The following UCKL1 variants were observed in gnomAD, a reference collection of about 807,000 sequenced individuals.
UCKL1 encodes uridine-cytidine kinase-like 1.
UCKL1 carries 65 observed loss-of-function variants against 59.2 expected under a neutral mutation model. That is an observed-to-expected ratio of 1.10 (90% CI 0.90 to 1.35). The LOEUF (loss-of-function observed/expected upper bound fraction) is 1.35, where lower values mean the gene tolerates loss of function less well. Among genes scored for constraint, UCKL1 ranks in the 40% most tolerant of loss-of-function variants. UCKL1 has a pLI of 0.00. For missense variants in UCKL1, 703 were observed against 784.3 expected (o/e 0.90, Z 1.24); for synonymous variants, 410 against 323.1 (o/e 1.27, Z -2.88).
At chr20:63,952,365 G>A (rs1601335037) in intron 1 of UCKL1, among the ~76,000 whole-genome samples, 1 of 152,222 alleles carries the variant, frequency 6.6e-6, no homozygotes. Flanking sequence ...CTGGCCAGGC[G>A]AGGGACGGAG....
At chr20:63,956,051 G>A (rs1256299040) in intron 1 of UCKL1, 1 of 448,964 alleles carries the variant, frequency 2.2e-6, no homozygotes, top group Non-Finnish European at 3.9e-6. Flanking sequence ...CGAGCCCCGA[G>A]GAGCCTGCCG....
rs769977373 is a variant in UCKL1, at chr20:63,946,633, C to T, written c.124G>A (p.Glu42Lys). The change falls in exon 2 of 15, where the codon GAG becomes AAG. Residue 42 changes from glutamate (E) to lysine (K), a missense_variant. Glu to Lys is a moderately conservative substitution (Grantham distance 56). Coordinates refer to ENST00000354216, the MANE Select transcript of UCKL1 (RefSeq NM_017859.4). ...ETACEDRSNA[E>K]SLDRLLPPVG... ...GGTGGCAGGAGCCTGTCCAGGGACT[C>T]TGCATTGCTGCTGCAGAGAGGGATG... 6.2e-7 allele frequency: 1 copy of T among 1,608,080 alleles called. No homozygotes were observed. The highest frequency in any genetic ancestry group is 2.2e-5 in the East Asian group (1 of 44,876).
chr20:63,954,946 G>A (rs1036280872), intron 1 of UCKL1: 5 of 152,268 alleles, frequency 3.3e-5, no homozygotes, highest in African/African-American at 9.6e-5. Flanking sequence ...CCCCACCTCG[G>A]GTTAAATCAA....
chr20:63,948,226 TG>T (rs964524786), intron 1 of UCKL1: 1 of 152,046 alleles, frequency 6.6e-6, no homozygotes, highest in African/African-American at 2.4e-5. Context: ...CCCACTCACA[TG>T]GGGAGCAACT....
intron 7 of UCKL1, among the ~76,000 whole-genome samples, 164 bp from the exon 8 acceptor site, chr20:63,943,833 C>G (rs2055371625): frequency 6.6e-6 from 1 of 152,212 alleles, no homozygotes; most frequent in Admixed American, 6.5e-5. Flanking sequence ...TGGGGACCAC[C>G]TGGGCCAGAC....
chr20:63,956,292 C>A lies in UCKL1; in HGVS notation c.81G>T (p.Gln27His). 6.4e-7 allele frequency: 1 copy of A among 1,562,060 alleles called. No homozygotes were observed. The highest frequency in any genetic ancestry group is 8.6e-7 in the Non-Finnish European group (1 of 1,158,564). The part of the protein sequence containing the change: ...PPTARDTPGR[Q>H]AEKSETACED... ...CGCACGCGGTCTCGCTTTTCTCAGCCTGCCGGCCTGGTGTGTCTCGGGCCG... is the reference window on the plus strand; with the variant it reads ...CGCACGCGGTCTCGCTTTTCTCAGCATGCCGGCCTGGTGTGTCTCGGGCCG... Residue 27 changes from glutamine (Q) to histidine (H), a missense_variant, in exon 1 of 15, where the codon CAG becomes CAT. By Grantham distance (24) the Gln-to-His change is conservative (BLOSUM62 0). Transcript: ENST00000354216.
Position 63,944,704 on chromosome 20 carries a change from C to G in UCKL1, c.685G>C (p.Asp229His). 6.2e-7 allele frequency: 1 copy of G among 1,612,884 alleles called. No individual in the cohort carries two copies. The highest frequency in any genetic ancestry group is 8.5e-7 in the Non-Finnish European group (1 of 1,179,956). Residue 229 changes from aspartate to histidine, a missense_variant, in exon 6 of 15, where the codon GAC becomes CAC. Physicochemically the swap from Asp to His is moderately conservative, Grantham distance 81. Around this residue, in one of 4 missense-constraint regions of UCKL1, gnomAD observed 398 missense variants for 373.0 expected, o/e 1.07. Coordinates refer to ENST00000354216, the MANE Select transcript of UCKL1 (RefSeq NM_017859.4). ...LLDMKIFVDT[D>H]SDIRLVRRLR... ...CGCCGTACCAGGCGGATGTCGGAGT[C>G]TGTGTCCACAAAGATCTTCATGTCC... is the stretch of plus-strand genomic sequence containing the variant.
At chr20:63,946,700 G>C in intron 1 of UCKL1, 57 bp from the exon 2 acceptor site, 1 of 1,544,298 alleles carries the variant, frequency 6.5e-7, no homozygotes, top group Non-Finnish European at 8.7e-7. Flanking sequence ...CCAGGTACCC[G>C]CTGGCATGGC....
Position 63,944,537 on chromosome 20 carries a change from A to T in UCKL1, c.844+8T>A. 1 of 1,606,278 alleles carries T rather than the reference A, an allele frequency of 6.2e-7. No homozygotes were observed. Among genetic ancestry groups the T allele is most frequent in the Non-Finnish European group, 8.5e-7 (1 of 1,176,784 alleles). On this transcript the variant is annotated splice_region_variant and intron_variant, in intron 6 of 14. Transcript: ENST00000354216. ...ACACCCACCCAACAGGCAGCCCAGC[A>T]GGCTCACCTCTGGGGACCACGATGT...
At chr20:63,940,928 T>G in intron 10 of UCKL1, 22 bp downstream of exon 10, 1 of 1,520,178 alleles carries the variant, frequency 6.6e-7, no homozygotes, top group Admixed American at 2.1e-5. Flanking sequence ...ACCCTCCACC[T>G]CGCGGGCTAC....
In UCKL1 at chr20:63,940,728, G is replaced by A; in HGVS notation, c.1180-12C>T. The A allele has an allele frequency of 1.2e-6, 2 of 1,607,362 alleles. No homozygotes were observed. Among genetic ancestry groups the A allele is most frequent in the Non-Finnish European group, 1.7e-6 (2 of 1,178,246 alleles). ...GACACACCGGTGATCTGCGGGGAGGGGAGGCTAAGCGCCCACATCCCGCCC... is the reference window on the plus strand; with the variant it reads ...GACACACCGGTGATCTGCGGGGAGGAGAGGCTAAGCGCCCACATCCCGCCC... On this transcript the variant is annotated splice_polypyrimidine_tract_variant and intron_variant, in intron 11 of 14. Transcript: ENST00000354216.
At chr20:63,947,757 G>C (rs756154368) in intron 1 of UCKL1, among the ~76,000 whole-genome samples, 1 of 152,272 alleles carries the variant, frequency 6.6e-6, no homozygotes, top group Admixed American at 6.5e-5. Context: ...GCTGCCGTGA[G>C]CCTGCCCAGG....
chr20:63,942,446 A>G, intron 8 of UCKL1: 2 of 1,173,564 alleles, frequency 1.7e-6, no homozygotes, highest in Non-Finnish European at 2.1e-6. Flanking sequence ...GTCACACAGC[A>G]GCACCACGGA....
At chr20:63,941,286 G>A (rs1159424567) in intron 8 of UCKL1, 78 bp from the exon 9 acceptor site, 3 of 1,453,018 alleles carry the variant, frequency 2.1e-6, no homozygotes, top group Non-Finnish European at 1.8e-6. Flanking sequence ...ACGGCTGTGC[G>A]TCACTGTGAG....
At chr20:63,947,578 A>C (rs936231168) in intron 1 of UCKL1, among the ~76,000 whole-genome samples, 1 of 152,234 alleles carries the variant, frequency 6.6e-6, no homozygotes, top group African/African-American at 2.4e-5. Flanking sequence ...GGCCCAGCAC[A>C]GTGCCTCGGC....
intron 1 of UCKL1, among the ~76,000 whole-genome samples, chr20:63,947,421 C>G (rs553955570): frequency 6.6e-6 from 1 of 152,208 alleles, no homozygotes; most frequent in African/African-American, 2.4e-5. Flanking sequence ...CCCAAGGAGA[C>G]GTGAGGGCGG....
chr20:63,953,024 C>T (rs1356943614), intron 1 of UCKL1, among the ~76,000 whole-genome samples: 2 of 151,156 alleles, frequency 1.3e-5, no homozygotes, highest in Non-Finnish European at 1.5e-5. Context: ...CCGAGGCGGG[C>T]GGATCACCCA....
chr20:63,949,290 G>A (rs1306300566), intron 1 of UCKL1, among the ~76,000 whole-genome samples: 1 of 152,158 alleles, frequency 6.6e-6, no homozygotes, highest in Admixed American at 6.5e-5. Context: ...AGGCGAGGGC[G>A]GCCCGGGGGA....
At chr20:63,955,283 G>A (rs565688443) in intron 1 of UCKL1, 1 of 152,458 alleles carries the variant, frequency 6.6e-6, no homozygotes, top group South Asian at 2.1e-4. Context: ...TTTGGAACCA[G>A]CAGAGGAACA....
Sources: gnomAD v4.1 joint callset for allele counts (sites outside exome capture counted in the v4.1 genomes callset) on GRCh38, gnomAD v4.1.1 for gene constraint, gnomAD v4.1.1 regional missense constraint, MANE v1.5 for transcripts, NCBI Gene and HGNC (gene_info 2026-07-23, HGNC 2026-07-21) for gene names.